The following ENTHD1 variants were observed in gnomAD, a reference collection of about 807,000 sequenced individuals.
ENTHD1 encodes the protein ENTH domain containing 1.
In ENTHD1, 23 loss-of-function variants were observed where a neutral mutation model predicts 39.1. The observed-to-expected ratio is 0.59, with a 90% CI of 0.42 to 0.83. The LOEUF is 0.83. Among genes scored for constraint, ENTHD1 ranks in the 40% least tolerant of loss-of-function variants. The pLI is 0.00. For missense variants in ENTHD1, 624 were observed against 705.4 expected, an observed-to-expected ratio of 0.88 and a Z score of 1.31; for synonymous variants, 230 against 258.2, an observed-to-expected ratio of 0.89 and a Z score of 1.05.
At chr22:39,810,681 G>A (rs1310947109) in intron 5 of ENTHD1, among the ~76,000 whole-genome samples, 2 of 152,138 alleles carry the variant, frequency 1.3e-5, no homozygotes, top group African/African-American at 2.4e-5. Flanking sequence ...CAAGGATGAC[G>A]GTAGATTATT....
chr22:39,794,851 A>C (rs930617249), intron 5 of ENTHD1, among the ~76,000 whole-genome samples: 5 of 151,064 alleles, frequency 3.3e-5, no homozygotes, highest in Non-Finnish European at 7.4e-5. Context: ...CAGTTCTTAG[A>C]GGAAAGGCTT....
intron 6 of ENTHD1, among the ~76,000 whole-genome samples, chr22:39,748,520 A>C (rs2065124584): frequency 3.3e-5 from 5 of 151,452 alleles, no homozygotes; most frequent in Non-Finnish European, 7.4e-5. Context: ...CTCCAGGTTC[A>C]CACCATTCTT....
intron 3 of ENTHD1, among the ~76,000 whole-genome samples, chr22:39,843,784 T>C (rs1025749154): frequency 2.0e-5 from 3 of 152,214 alleles, no homozygotes; most frequent in African/African-American, 4.8e-5. Flanking sequence ...GATGTAGGAT[T>C]CCTTAGCTAG....
chr22:39,755,038 A>G (rs2146539804), intron 6 of ENTHD1, among the ~76,000 whole-genome samples: 1 of 152,318 alleles, frequency 6.6e-6, no homozygotes, highest in East Asian at 1.9e-4. Flanking sequence ...CACTTATTAA[A>G]TATTGAATAC....
chr22:39,833,146 A>T (rs1311362467), intron 4 of ENTHD1, among the ~76,000 whole-genome samples: 2 of 152,192 alleles, frequency 1.3e-5, no homozygotes, highest in East Asian at 3.8e-4. Context: ...GAATTAATTC[A>T]TAACTTGAGG....
At chr22:39,816,628 G>T (rs1191201868) in intron 5 of ENTHD1, among the ~76,000 whole-genome samples, 8 of 152,146 alleles carry the variant, frequency 5.3e-5, no homozygotes, top group African/African-American at 1.9e-4. Flanking sequence ...GCTGCCCATT[G>T]CCCTTATCTA....
chr22:39,746,957 GACTTAAC>G (rs2065110270), intron 6 of ENTHD1, among the ~76,000 whole-genome samples: 1 of 152,118 alleles, frequency 6.6e-6, no homozygotes, highest in African/African-American at 2.4e-5. Flanking sequence ...CCTGTCTAAG[GACTTAAC>G]CACTTTTCAA....
chr22:39,858,750 G>A (rs1410732253), intron 3 of ENTHD1, among the ~76,000 whole-genome samples: 2 of 152,270 alleles, frequency 1.3e-5, no homozygotes, highest in East Asian at 1.9e-4. Flanking sequence ...CACTGTCAAT[G>A]AGCAGTAATA....
chr22:39,847,511 T>TATA (rs888121607), intron 3 of ENTHD1, among the ~76,000 whole-genome samples: 14 of 150,602 alleles, frequency 9.3e-5, no homozygotes, highest in Non-Finnish European at 1.5e-5. Flanking sequence ...AAACTTAAAG[T>TATA]ATAATAATAA....
intron 4 of ENTHD1, among the ~76,000 whole-genome samples, chr22:39,829,850 T>A (rs1055113891): frequency 3.9e-5 from 6 of 151,906 alleles, no homozygotes; most frequent in Non-Finnish European, 8.8e-5. Flanking sequence ...CTTAATGTCT[T>A]ATCTTTAAAT....
At chr22:39,861,342 C>A (rs1018353819) in intron 3 of ENTHD1, among the ~76,000 whole-genome samples, 1 of 152,146 alleles carries the variant, frequency 6.6e-6, no homozygotes. Flanking sequence ...GAGTTCGAGA[C>A]CAGCCTGGGC....
At chr22:39,856,564 C>T (rs928569975) in intron 3 of ENTHD1, among the ~76,000 whole-genome samples, 2 of 152,096 alleles carry the variant, frequency 1.3e-5, no homozygotes, top group Non-Finnish European at 2.9e-5. Flanking sequence ...ATTCACTGTT[C>T]GCTTTAAATG....
Position 39,853,655 on chromosome 22 carries a change from C to T in ENTHD1, c.592+8110G>A, listed in dbSNP as rs374751112. Among the ~76,000 whole-genome samples the T allele has an allele frequency of 7.9e-5, 12 of 152,282 alleles. No homozygotes were observed. In the East Asian group the frequency reaches 1.7e-3, roughly 22 times the overall value. ...GTGGCGTGATCTCAGCTCACTGCAA[C>T]GTCTGCCTCCCAGGTTCAAGCAATT... On this transcript the variant is annotated intron_variant, in intron 3 of 6. Transcript: ENST00000325157.
chr22:39,822,772 A>G (rs1179893343), intron 4 of ENTHD1, among the ~76,000 whole-genome samples: 2 of 152,146 alleles, frequency 1.3e-5, no homozygotes, highest in Non-Finnish European at 2.9e-5. Context: ...GGACAGGTCT[A>G]TTTTCAACTT....
At chr22:39,752,528 TAAA>T (rs2065155435) in intron 6 of ENTHD1, among the ~76,000 whole-genome samples, 1 of 152,228 alleles carries the variant, frequency 6.6e-6, no homozygotes, top group Non-Finnish European at 1.5e-5. Flanking sequence ...TCATACATTT[TAAA>T]AGGATGCATT....
At chr22:39,792,839 G>A (rs2065515705) in intron 5 of ENTHD1, among the ~76,000 whole-genome samples, 1 of 152,156 alleles carries the variant, frequency 6.6e-6, no homozygotes, top group Non-Finnish European at 1.5e-5. Context: ...ATCTGTGATG[G>A]ACAATTAGGT....
At chr22:39,759,348 A>G (rs1287210958) in intron 6 of ENTHD1, among the ~76,000 whole-genome samples, 1 of 152,108 alleles carries the variant, frequency 6.6e-6, no homozygotes, top group East Asian at 1.9e-4. Flanking sequence ...TCGCAGGTCA[A>G]TTTTAGCCAG....
intron 5 of ENTHD1, among the ~76,000 whole-genome samples, chr22:39,813,054 A>T (rs926548262): frequency 1.3e-5 from 2 of 152,138 alleles, no homozygotes; most frequent in African/African-American, 4.8e-5. Context: ...AAGTGCTGGG[A>T]TTATAGGTGT....
chr22:39,793,344 T>G lies in ENTHD1; in HGVS notation c.832+27649A>C, dbSNP rs181208956. On this transcript the variant is annotated intron_variant, in intron 5 of 6. Transcript: ENST00000325157. ...CTTTTTAATGGGATTATTAGTTGTT[T>G]TTTTTTTTTTTGCTGTTGTTTGAGT... is the stretch of plus-strand genomic sequence containing the variant. Among the ~76,000 whole-genome samples, 426 of 138,684 alleles carry G rather than the reference T, an allele frequency of 3.1e-3. 1 individual carries two copies. The highest frequency in any genetic ancestry group is 9.5e-3 in the African/African-American group (356 of 37,568). The allele number at this position is 138,684 out of a possible 152,430, so 91.0% of individuals were successfully genotyped here.
Sources: gnomAD v4.1 joint callset for allele counts (sites outside exome capture counted in the v4.1 genomes callset) on GRCh38, gnomAD v4.1.1 for gene constraint, MANE v1.5 for transcripts, NCBI Gene and HGNC (gene_info 2026-07-23, HGNC 2026-07-21) for gene names.